Variants in DYNC1LI2 observed in about 807,000 individuals in gnomAD.
The protein encoded by DYNC1LI2 is dynein cytoplasmic 1 light intermediate chain 2.
Under a neutral mutation model 57.8 loss-of-function variants are expected in DYNC1LI2, and 19 were observed. That is an observed-to-expected ratio of 0.33 (90% CI 0.23 to 0.48). DYNC1LI2 has a LOEUF of 0.48. Among genes scored for constraint, DYNC1LI2 ranks in the 20% least tolerant of loss-of-function variants. The pLI is 0.99. For missense variants in DYNC1LI2, 470 were observed against 604.2 expected (o/e 0.78, Z 2.33); for synonymous variants, 256 against 233.4 (o/e 1.10, Z -0.88).
intron 5 of DYNC1LI2, among the ~76,000 whole-genome samples, chr16:66,734,587 C>T (rs948756783): frequency 2.0e-5 from 3 of 151,814 alleles, no homozygotes; most frequent in African/African-American, 4.8e-5. Flanking sequence ...GAGGCAGGCC[C>T]GGTGTACACA....
chr16:66,727,675 G>C lies in DYNC1LI2; in HGVS notation c.1261+13C>G, dbSNP rs774665629. 2.5e-6 allele frequency: 4 copies of C among 1,613,126 alleles called. No individual in the cohort carries two copies. The highest frequency in any genetic ancestry group is 3.4e-6 in the Non-Finnish European group (4 of 1,179,396). ...CTACTCTCCAAAGAGACATACTTTT[G>C]AGGAATACATACTTTTGATGTTTGG... is the stretch of plus-strand genomic sequence containing the variant. On this transcript the variant is annotated intron_variant, in intron 11 of 12. Transcript: ENST00000258198.
chr16:66,751,418 G>A lies in DYNC1LI2; in HGVS notation c.107+67C>T. On this transcript the variant is annotated intron_variant, in intron 1 of 12. Coordinates refer to ENST00000258198, the MANE Select transcript of DYNC1LI2 (RefSeq NM_006141.3). The surrounding 1 kb of genome is among the most constrained non-coding windows in gnomAD (Gnocchi z 5.2). The stretch of plus-strand genomic sequence containing the variant: ...TGGCCCGGCTCGCGTCGGCCCCTCA[G>A]TGTGTCCGACGGTCCGGCCCAGAGG... The A allele has an allele frequency of 1.3e-6, 2 of 1,592,916 alleles. No individual in the cohort carries two copies. Among genetic ancestry groups the A allele is most frequent in the Non-Finnish European group, 8.5e-7 (1 of 1,171,672 alleles).
rs758492054 is a variant in DYNC1LI2 at position 66,749,322 on chromosome 16, G to T, written c.182-9C>A. 3.1e-6 allele frequency: 5 copies of T among 1,613,512 alleles called. No individual in the cohort carries two copies. In the Admixed American group the frequency reaches 5.0e-5, roughly 16 times the overall value. Reference sequence around the variant, plus strand: ...ACCAGAACCATCTTCACCTACAAAGGATGTTTGCAAGACAAAGGTGTACTG... The same window carrying T: ...ACCAGAACCATCTTCACCTACAAAGTATGTTTGCAAGACAAAGGTGTACTG... On this transcript the variant is annotated splice_polypyrimidine_tract_variant and intron_variant, in intron 2 of 12. Transcript: ENST00000258198.
At chr16:66,725,249 T>C (rs1217214925) in intron 12 of DYNC1LI2, among the ~76,000 whole-genome samples, 4 of 149,196 alleles carry the variant, frequency 2.7e-5, no homozygotes, top group Admixed American at 2.0e-4. Flanking sequence ...GAGGCCAAGA[T>C]GGAGGGATCA....
Position 66,722,284 on chromosome 16 carries a change from C to T in DYNC1LI2, c.*1438G>A, listed in dbSNP as rs2017461655. 6.6e-6 allele frequency: 1 copy of T among 152,614 alleles called. No homozygotes were observed. The highest frequency in any genetic ancestry group is 1.5e-5 in the Non-Finnish European group (1 of 68,040). 9.5% of individuals were successfully genotyped at this position (152,614 alleles called of 1,614,324 possible). On this transcript the variant is annotated 3_prime_UTR_variant, in exon 13 of 13. Coordinates refer to ENST00000258198, the MANE Select transcript of DYNC1LI2 (RefSeq NM_006141.3). ...AGGGAAGTTATGCTTAGACACAGTA[C>T]AACAAACATTCATATAAAAAAAGTA...
rs1266914491 is a variant in DYNC1LI2 at position 66,721,317 on chromosome 16, G to A, written c.*2405C>T. On this transcript the variant is annotated 3_prime_UTR_variant, in exon 13 of 13. Transcript: ENST00000258198. ...GTTATCTTCAGCCACGTATTCAAAG[G>A]TGGGCTTTTCTCTGATTTTTTTTTT... The A allele has an allele frequency of 1.3e-5, 2 of 152,402 alleles. No homozygotes were observed. The highest frequency in any genetic ancestry group is 2.4e-5 in the African/African-American group (1 of 41,402). 9.4% of individuals were successfully genotyped at this position (152,402 alleles called of 1,614,324 possible). A position where few individuals can be genotyped will look rare whatever the true frequency, so the allele number is the denominator to read the frequency against.
chr16:66,723,874 CAA>C, intron 12 of DYNC1LI2, 52 bp from the exon 13 acceptor site: 1 of 1,492,060 alleles, frequency 6.7e-7, no homozygotes, highest in Middle Eastern at 1.8e-4. Flanking sequence ...GAAGAGGAAA[CAA>C]TTTTTTTTAA....
intron 6 of DYNC1LI2, chr16:66,733,407 A>G (rs2017673869): frequency 6.6e-6 from 1 of 152,112 alleles, no homozygotes. Flanking sequence ...TAAAAATACA[A>G]AAATTATCCA....
intron 3 of DYNC1LI2, among the ~76,000 whole-genome samples, chr16:66,745,435 T>C (rs2017917850): frequency 6.6e-6 from 1 of 151,608 alleles, no homozygotes; most frequent in African/African-American, 2.4e-5. Flanking sequence ...TGTGCCACCA[T>C]ACTGGCTGAT....
chr16:66,730,257 T>C lies in DYNC1LI2; in HGVS notation c.930-34A>G, dbSNP rs779879331. The C allele has an allele frequency of 5.7e-6, 9 of 1,589,530 alleles. No homozygotes were observed. In the South Asian group the frequency reaches 9.0e-5, roughly 16 times the overall value. ...AAAGAGAGAGGGACTGAATTGCTTTTCCTGGGGCTGCCTTAGAGCATACTC... is the reference window on the plus strand; with the variant it reads ...AAAGAGAGAGGGACTGAATTGCTTTCCCTGGGGCTGCCTTAGAGCATACTC... On this transcript the variant is annotated intron_variant, in intron 7 of 12. Transcript: ENST00000258198.
chr16:66,744,696 A>G (rs1021425728), intron 3 of DYNC1LI2, among the ~76,000 whole-genome samples: 5 of 151,984 alleles, frequency 3.3e-5, no homozygotes, highest in East Asian at 1.9e-4. Flanking sequence ...AGTAGCTGGG[A>G]CTACAGGCAC....
In DYNC1LI2 at chr16:66,729,091, G is replaced by A. The variant is rs569751536; in HGVS notation, c.1050C>T (p.His350=). 3.8e-5 allele frequency: 61 copies of A among 1,614,114 alleles called. No homozygotes were observed. Among genetic ancestry groups the A allele is most frequent in the South Asian group, 1.9e-4 (17 of 91,086 alleles). The change falls in exon 9 of 13, where the codon CAC becomes CAT. Residue 350 remains histidine (H), a synonymous_variant. Transcript: ENST00000258198. ...IVKPPVRKLV[H]DKELAAEDEQ... ...CATCTTCTGCTGCCAACTCTTTGTC[G>A]TGGACCAGCTGTGAAACAACATACA...
chr16:66,746,659 TATAGA>T (rs1258020298), intron 3 of DYNC1LI2, among the ~76,000 whole-genome samples: 282 of 152,342 alleles, frequency 1.9e-3, no homozygotes, highest in African/African-American at 6.5e-3. Context: ...CAGAAGAGGC[TATAGA>T]GATTCACAGA....
intron 5 of DYNC1LI2, 63 bp from the exon 6 acceptor site, chr16:66,734,374 C>T: frequency 1.3e-6 from 2 of 1,481,800 alleles, no homozygotes; most frequent in Non-Finnish European, 1.9e-6. Flanking sequence ...GGGAACACCT[C>T]ATTCTTCAGA....
intron 2 of DYNC1LI2, 146 bp from the exon 3 acceptor site, chr16:66,749,459 T>C (rs953651410): frequency 2.1e-5 from 17 of 806,896 alleles, no homozygotes; most frequent in South Asian, 8.1e-5. Context: ...ACAAAGGACT[T>C]TGCTGGAAGA....
chr16:66,727,836 AG>A, intron 10 of DYNC1LI2, 31 bp from the exon 11 acceptor site: 1 of 1,554,664 alleles, frequency 6.4e-7, no homozygotes, highest in Non-Finnish European at 8.7e-7. Flanking sequence ...GGTCACACAC[AG>A]GCATAACAAT....
chr16:66,732,390 C>T lies in DYNC1LI2; in HGVS notation c.878G>A (p.Gly293Asp). ...TAAGGCAGGTGTGGTGAAGTGGAAACCGTATGTTTTATGAACAATATACTT... is the reference window on the plus strand; with the variant it reads ...TAAGGCAGGTGTGGTGAAGTGGAAATCGTATGTTTTATGAACAATATACTT... Reference protein sequence around the residue: ...LYKYIVHKTYGFHFTTPALVV... With the variant: ...LYKYIVHKTYDFHFTTPALVV... Residue 293 changes from glycine to aspartate, a missense_variant, in exon 7 of 13, where the codon GGT becomes GAT. Coordinates refer to ENST00000258198, the MANE Select transcript of DYNC1LI2 (RefSeq NM_006141.3). 6.2e-7 allele frequency: 1 copy of T among 1,613,964 alleles called. No individual in the cohort carries two copies. Among genetic ancestry groups the T allele is most frequent in the Non-Finnish European group, 8.5e-7 (1 of 1,179,940 alleles).
intron 3 of DYNC1LI2, among the ~76,000 whole-genome samples, chr16:66,746,267 G>A (rs992826173): frequency 6.6e-6 from 1 of 152,088 alleles, no homozygotes; most frequent in Non-Finnish European, 1.5e-5. Flanking sequence ...ATCACACCAC[G>A]TGTAGCATTA....
intron 6 of DYNC1LI2, chr16:66,733,955 A>C: frequency 2.5e-6 from 1 of 395,682 alleles, no homozygotes; most frequent in Non-Finnish European, 4.6e-6. Context: ...GAGGTCAGGA[A>C]TTTGAGACTA....
Sources: allele counts gnomAD v4.1 joint callset (sites outside exome capture counted in the v4.1 genomes callset), GRCh38; gene constraint gnomAD v4.1.1; non-coding constraint Gnocchi (gnomAD v3.1); transcripts MANE v1.5; gene names NCBI Gene and HGNC (gene_info 2026-07-23, HGNC 2026-07-21).